LMBR1: variants seen among roughly 807,000 people sequenced by gnomAD.
LMBR1 encodes limb development membrane protein 1.
A neutral mutation model predicts 73.9 loss-of-function variants in LMBR1; 52 were observed. That is an observed-to-expected ratio of 0.70 (90% CI 0.56 to 0.89). The LOEUF (loss-of-function observed/expected upper bound fraction) is 0.89. Ranked by LOEUF, LMBR1 falls within the 40% of genes least tolerant of loss-of-function variation. LMBR1 has a pLI of 0.00. For synonymous variants in LMBR1, 215 were observed against 209.4 expected (o/e 1.03, Z -0.23); for missense variants, 539 against 579.8 (o/e 0.93, Z 0.72).
At chr7:156,688,557 T>C (rs1806457548) in intron 15 of LMBR1, among the ~76,000 whole-genome samples, 1 of 151,892 alleles carries the variant, frequency 6.6e-6, no homozygotes, top group African/African-American at 2.4e-5. Context: ...CTGTAACTGA[T>C]CACAGGAAGC....
At position 156,763,124 on chromosome 7, in the gene LMBR1, TC is replaced by T; in HGVS notation, c.602del (p.Gly201AspfsTer19). The T allele has an allele frequency of 1.4e-6, 2 of 1,396,220 alleles. No homozygotes were observed. The highest frequency in any genetic ancestry group is 2.0e-6 in the Non-Finnish European group (2 of 1,000,720). 86.5% of individuals were successfully genotyped at this position (1,396,220 alleles called of 1,614,324 possible). On this transcript the variant is annotated frameshift_variant, in exon 7 of 17. Coordinates refer to ENST00000353442, the MANE Select transcript of LMBR1 (RefSeq NM_022458.4). LOFTEE classifies it high-confidence loss of function. ...AATACTTACAGAGAAGTAACAAACA[TC>T]CCATCAATGATATACAGGAATATAA... The part of the protein sequence containing the change: ...PYLYSCISLM[G>X]CLLLLLCTPV...
intron 7 of LMBR1, among the ~76,000 whole-genome samples, chr7:156,762,846 AGTGTGTGT>A (rs35976164): frequency 1.1e-4 from 16 of 148,628 alleles, no homozygotes; most frequent in Middle Eastern, 3.6e-3. Flanking sequence ...TGTGAGTGTG[AGTGTGTGT>A]GTGTGTGTGT....
intron 5 of LMBR1, among the ~76,000 whole-genome samples, chr7:156,785,519 T>C (rs1827914172): frequency 6.6e-6 from 1 of 152,046 alleles, no homozygotes; most frequent in Non-Finnish European, 1.5e-5. Flanking sequence ...CTTATAGGAA[T>C]CATCTTGCAA....
chr7:156,729,014 A>T (rs1816325130), intron 10 of LMBR1, among the ~76,000 whole-genome samples: 1 of 151,674 alleles, frequency 6.6e-6, no homozygotes, highest in Non-Finnish European at 1.5e-5. Context: ...TAATTTTTTT[A>T]TTTATTTTTT....
At chr7:156,811,517 A>T (rs889941686) in intron 4 of LMBR1, among the ~76,000 whole-genome samples, 1 of 152,090 alleles carries the variant, frequency 6.6e-6, no homozygotes, top group African/African-American at 2.4e-5. Context: ...GCTGAGGCAG[A>T]AGAATCACCT....
chr7:156,864,951 G>A (rs2041703), intron 1 of LMBR1, among the ~76,000 whole-genome samples: 7,356 of 149,200 alleles, frequency 0.049, 285 homozygotes, highest in Middle Eastern at 0.12. Context: ...AGCCGAGGTC[G>A]CGCCATTGCA....
At chr7:156,755,731 A>T (rs1821741138) in intron 9 of LMBR1, among the ~76,000 whole-genome samples, 1 of 152,238 alleles carries the variant, frequency 6.6e-6, no homozygotes. Flanking sequence ...GAATTATATA[A>T]TGTTACTGAC....
intron 1 of LMBR1, among the ~76,000 whole-genome samples, chr7:156,858,183 T>C (rs1797241044): frequency 6.7e-6 from 1 of 149,836 alleles, no homozygotes; most frequent in South Asian, 2.1e-4. Context: ...ATAAAATTGA[T>C]AAACCTCTAG....
At chr7:156,712,616 C>T (rs1812312353) in intron 15 of LMBR1, among the ~76,000 whole-genome samples, 2 of 152,100 alleles carry the variant, frequency 1.3e-5, no homozygotes, top group African/African-American at 4.8e-5. Flanking sequence ...TCAACCTAAG[C>T]GCCAATCAAT....
intron 1 of LMBR1, among the ~76,000 whole-genome samples, chr7:156,886,928 G>A (rs756648040): frequency 7.2e-5 from 11 of 152,138 alleles, no homozygotes; most frequent in Non-Finnish European, 1.5e-4. Context: ...CGTGTCAGAT[G>A]TCCCATCCCA....
chr7:156,888,226 T>C (rs559545619), intron 1 of LMBR1, among the ~76,000 whole-genome samples: 32 of 151,442 alleles, frequency 2.1e-4, no homozygotes, highest in Admixed American at 5.3e-4. Flanking sequence ...CTGGCTAACA[T>C]GGTGAAACCC....
chr7:156,868,938 C>A (rs569631100), intron 1 of LMBR1, among the ~76,000 whole-genome samples: 16 of 152,262 alleles, frequency 1.1e-4, no homozygotes, highest in Admixed American at 5.9e-4. Flanking sequence ...GCACTCCAGC[C>A]TGGGTAACAA....
At chr7:156,829,631 C>T (rs1836312740) in intron 3 of LMBR1, among the ~76,000 whole-genome samples, 1 of 152,310 alleles carries the variant, frequency 6.6e-6, no homozygotes, top group East Asian at 1.9e-4. Context: ...TATAGCAACA[C>T]ATAACAGACT....
intron 8 of LMBR1, among the ~76,000 whole-genome samples, 187 bp from the exon 9 acceptor site, chr7:156,756,652 C>A (rs111622687): frequency 6.6e-6 from 1 of 152,060 alleles, no homozygotes; most frequent in African/African-American, 2.4e-5. Context: ...TATAACCAAA[C>A]ACATCAAAAG....
intron 4 of LMBR1, among the ~76,000 whole-genome samples, chr7:156,821,546 C>T (rs1834799283): frequency 6.6e-6 from 1 of 152,138 alleles, no homozygotes; most frequent in South Asian, 2.1e-4. Flanking sequence ...TATTAATGGA[C>T]CATGGCCAAT....
intron 3 of LMBR1, among the ~76,000 whole-genome samples, chr7:156,830,713 T>C (rs1836531515): frequency 6.6e-6 from 1 of 152,226 alleles, no homozygotes; most frequent in Admixed American, 6.5e-5. Flanking sequence ...TCCTAATACG[T>C]CACTCTAAAC....
intron 1 of LMBR1, among the ~76,000 whole-genome samples, chr7:156,875,291 G>T (rs1019856159): frequency 1.3e-5 from 2 of 152,062 alleles, no homozygotes; most frequent in Non-Finnish European, 2.9e-5. Context: ...AAGAAAAAAT[G>T]AACAACGCCT....
At chr7:156,854,983 C>A (rs1479135711) in intron 1 of LMBR1, among the ~76,000 whole-genome samples, 10 of 152,178 alleles carry the variant, frequency 6.6e-5, no homozygotes, top group Non-Finnish European at 1.5e-4. Context: ...ACAGTAAAGG[C>A]CAAATTACCT....
At chr7:156,808,204 G>A (rs917319058) in intron 4 of LMBR1, among the ~76,000 whole-genome samples, 1 of 152,112 alleles carries the variant, frequency 6.6e-6, no homozygotes, top group African/African-American at 2.4e-5. Context: ...AAAGAAGGGT[G>A]TTGAAATATC....
Sources: gnomAD v4.1 joint callset for allele counts (sites outside exome capture counted in the v4.1 genomes callset) on GRCh38, gnomAD v4.1.1 for gene constraint, MANE v1.5 for transcripts, NCBI Gene and HGNC (gene_info 2026-07-23, HGNC 2026-07-21) for gene names.